The following DACH1 variants were observed in gnomAD, a reference collection of about 807,000 sequenced individuals.
The protein encoded by DACH1 is dachshund homolog 1.
In DACH1, 12 loss-of-function variants were observed where a neutral mutation model predicts 54.2. That is an observed-to-expected ratio of 0.22 (90% CI 0.14 to 0.36). The LOEUF is 0.36. Ranked by LOEUF, DACH1 falls within the 10% of genes least tolerant of loss-of-function variation. DACH1 has a pLI of 1.00. For synonymous variants in DACH1, 386 were observed against 366.2 expected, an observed-to-expected ratio of 1.05 and a Z score of -0.62; for missense variants, 805 against 929.8, an observed-to-expected ratio of 0.87 and a Z score of 1.75.
chr13:71,808,187 G>A (rs1245941478), intron 1 of DACH1, among the ~76,000 whole-genome samples: 1 of 151,900 alleles, frequency 6.6e-6, no homozygotes, highest in Non-Finnish European at 1.5e-5. Flanking sequence ...TTTCTTTCTG[G>A]CTTACACAGA....
At chr13:71,529,141 T>G (rs1460026765) in intron 6 of DACH1, among the ~76,000 whole-genome samples, 1 of 151,904 alleles carries the variant, frequency 6.6e-6, no homozygotes, top group Non-Finnish European at 1.5e-5. Flanking sequence ...ATGTTACTGT[T>G]ATGTGATTTC....
At chr13:71,618,551 A>G (rs553981003) in intron 3 of DACH1, among the ~76,000 whole-genome samples, 57 of 151,976 alleles carry the variant, frequency 3.8e-4, no homozygotes, top group Non-Finnish European at 7.4e-4. Context: ...TATTAAATTG[A>G]TTATATTCTA....
At chr13:71,771,960 G>A (rs478141) in intron 1 of DACH1, among the ~76,000 whole-genome samples, 76,343 of 150,738 alleles carry the variant, frequency 0.51, 20,643 homozygotes, top group East Asian at 0.87. Context: ...TCACAATAAC[G>A]TGTTATCTAA....
chr13:71,579,344 C>T (rs1390431683), intron 3 of DACH1, among the ~76,000 whole-genome samples: 2 of 152,058 alleles, frequency 1.3e-5, no homozygotes, highest in Admixed American at 1.3e-4. Context: ...TTGTACAAAG[C>T]ACACACAAAT....
intron 6 of DACH1, among the ~76,000 whole-genome samples, chr13:71,517,713 T>C (rs1276090050): frequency 3.9e-5 from 6 of 151,998 alleles, no homozygotes; most frequent in Admixed American, 3.3e-4. Context: ...CAAAGTCTCC[T>C]GCATGAGCAC....
chr13:71,521,622 C>T lies in DACH1; in HGVS notation c.1571-32474G>A, dbSNP rs143292299. On this transcript the variant is annotated intron_variant, in intron 6 of 10. Transcript: ENST00000613252. ...AGCAGATGTCCAACATTTTTTGACACTATGAAGCCATAATCTATCATTCTC... is the reference window on the plus strand; with the variant it reads ...AGCAGATGTCCAACATTTTTTGACATTATGAAGCCATAATCTATCATTCTC... 2.1e-3 allele frequency among the ~76,000 whole-genome samples: 317 copies of T among 152,208 alleles called. 2 individuals are homozygous for T. Among genetic ancestry groups the T allele is most frequent in the African/African-American group, 7.0e-3 (292 of 41,546 alleles).
At chr13:71,726,126 C>A (rs1423690747) in intron 1 of DACH1, among the ~76,000 whole-genome samples, 2 of 152,098 alleles carry the variant, frequency 1.3e-5, no homozygotes, top group Non-Finnish European at 2.9e-5. Context: ...AAGACTCTGC[C>A]TGGCATGTTT....
chr13:71,559,476 T>C (rs1384299816), intron 5 of DACH1, among the ~76,000 whole-genome samples: 2 of 152,190 alleles, frequency 1.3e-5, no homozygotes, highest in Admixed American at 6.5e-5. Flanking sequence ...TGAGGAATGA[T>C]GTTGAATAAT....
chr13:71,774,059 A>G (rs1041584951), intron 1 of DACH1, among the ~76,000 whole-genome samples: 4 of 152,004 alleles, frequency 2.6e-5, no homozygotes, highest in Non-Finnish European at 5.9e-5. Flanking sequence ...TTAATAAACA[A>G]ATTTTCAAAA....
At chr13:71,465,279 C>A (rs942651782) in intron 10 of DACH1, among the ~76,000 whole-genome samples, 1 of 151,990 alleles carries the variant, frequency 6.6e-6, no homozygotes, top group Non-Finnish European at 1.5e-5. Context: ...TTTGCTCATA[C>A]AAATCTGTAT....
intron 3 of DACH1, among the ~76,000 whole-genome samples, chr13:71,621,189 A>G (rs993484142): frequency 7.9e-5 from 12 of 151,968 alleles, no homozygotes; most frequent in South Asian, 2.1e-4. Context: ...ACCCCAAGGA[A>G]GTAAGTACAC....
chr13:71,622,319 C>T (rs906056222), intron 3 of DACH1, among the ~76,000 whole-genome samples: 1 of 151,852 alleles, frequency 6.6e-6, no homozygotes, highest in Non-Finnish European at 1.5e-5. Context: ...CAATATTGGA[C>T]TACAAACACC....
intron 1 of DACH1, among the ~76,000 whole-genome samples, chr13:71,799,890 G>A (rs866976664): frequency 6.6e-6 from 1 of 152,082 alleles, no homozygotes; most frequent in Non-Finnish European, 1.5e-5. Context: ...AATCTTGATT[G>A]TTCATGTGTC....
chr13:71,525,816 T>C (rs1299948397), intron 6 of DACH1, among the ~76,000 whole-genome samples: 2 of 152,150 alleles, frequency 1.3e-5, no homozygotes, highest in African/African-American at 4.8e-5. Flanking sequence ...ATTGGAAACT[T>C]GATTCAAAAA....
chr13:71,649,280 A>G (rs1878508906), intron 2 of DACH1, among the ~76,000 whole-genome samples: 2 of 152,212 alleles, frequency 1.3e-5, no homozygotes, highest in African/African-American at 4.8e-5. Context: ...CGATGCACAC[A>G]CAAGATGAAA....
chr13:71,452,451 T>C (rs140150629), intron 10 of DACH1, among the ~76,000 whole-genome samples: 38 of 152,210 alleles, frequency 2.5e-4, no homozygotes, highest in African/African-American at 8.9e-4. Flanking sequence ...CAAACACAAA[T>C]TAAAAAAAAT....
intron 2 of DACH1, among the ~76,000 whole-genome samples, chr13:71,635,866 C>T (rs1428794704): frequency 2.6e-5 from 4 of 152,186 alleles, no homozygotes; most frequent in East Asian, 1.9e-4. Context: ...CTGCAACCTC[C>T]ACCTTCCGGG....
intron 1 of DACH1, among the ~76,000 whole-genome samples, chr13:71,859,179 C>T (rs1874194686): frequency 6.6e-6 from 1 of 151,658 alleles, no homozygotes; most frequent in Non-Finnish European, 1.5e-5. Context: ...GGATCAATTC[C>T]AAGCCAATTT....
chr13:71,806,697 A>G (rs945413940), intron 1 of DACH1, among the ~76,000 whole-genome samples: 5 of 152,212 alleles, frequency 3.3e-5, no homozygotes, highest in African/African-American at 1.2e-4. Flanking sequence ...GCTCATCATT[A>G]TATCACAATA....
Sources: gnomAD v4.1 joint callset for allele counts (sites outside exome capture counted in the v4.1 genomes callset) on GRCh38, gnomAD v4.1.1 for gene constraint, MANE v1.5 for transcripts, NCBI Gene and HGNC (gene_info 2026-07-23, HGNC 2026-07-21) for gene names.